Variants in ME3 observed in about 807,000 individuals in gnomAD.
ME3 encodes NADP-dependent malic enzyme, mitochondrial.
In ME3, 48 loss-of-function variants were observed where a neutral mutation model predicts 68.9. The ratio of observed to expected loss-of-function variants is 0.70; its 90% CI spans 0.55 to 0.89. The LOEUF is 0.89. Ranked by LOEUF, ME3 falls within the 40% of genes least tolerant of loss-of-function variation. The pLI is 0.00. For synonymous variants in ME3, 320 were observed against 318.8 expected (o/e 1.00, Z -0.04); for missense variants, 675 against 797.4 (o/e 0.85, Z 1.85).
chr11:86,440,158 CA>C (rs1429315075), downstream of ME3, among the ~76,000 whole-genome samples: 2 of 152,172 alleles, frequency 1.3e-5, no homozygotes, highest in African/African-American at 4.8e-5. Context: ...GCTGAGGTAG[CA>C]GCAGGAGTAG....
chr11:86,508,817 T>C lies in ME3; in HGVS notation c.518A>G (p.Asn173Ser), dbSNP rs1167613829. 18 of 1,613,346 alleles carry C rather than the reference T, an allele frequency of 1.1e-5. No individual in the cohort carries two copies. The highest frequency in any genetic ancestry group is 1.5e-5 in the Non-Finnish European group (18 of 1,179,414). ...CTTAATATTGTCTTCTGGCCAAGAA[T>C]TCAGCATTGTTGCAAGATGACCTTT... The change falls in exon 5 of 15, where the codon AAT becomes AGT. Residue 173 changes from asparagine to serine, a missense_variant. Coordinates refer to ENST00000543262, the Ensembl canonical transcript of ME3.
intron 4 of ME3, among the ~76,000 whole-genome samples, chr11:86,530,461 C>G (rs1272095010): frequency 6.6e-6 from 1 of 152,186 alleles, no homozygotes; most frequent in Admixed American, 6.6e-5. Flanking sequence ...CCCCATCAAG[C>G]TACCAATGAC....
At position 86,610,487 on chromosome 11, in the gene ME3, A is replaced by G. The variant is rs79651366; in HGVS notation, c.184-50664T>C. The stretch of plus-strand genomic sequence containing the variant: ...ATTTAGCAAATGTGGAAATCAGTGC[A>G]TATGCCATGGGAGTGATGCCGTGCA... On this transcript the variant is annotated intron_variant, in intron 2 of 14. Coordinates refer to ENST00000543262, the Ensembl canonical transcript of ME3. Among the ~76,000 whole-genome samples, 875 of 152,292 alleles carry G rather than the reference A, an allele frequency of 5.7e-3. 4 individuals are homozygous for G. The highest frequency in any genetic ancestry group is 9.3e-3 in the Non-Finnish European group (633 of 68,030).
At chr11:86,475,809 C>G (rs1173952722) in intron 7 of ME3, among the ~76,000 whole-genome samples, 1 of 144,816 alleles carries the variant, frequency 6.9e-6, no homozygotes, top group East Asian at 2.0e-4. Context: ...AATGAGAATT[C>G]TAAGATACAG....
chr11:86,567,464 G>A (rs892691984), intron 2 of ME3, among the ~76,000 whole-genome samples: 3 of 152,266 alleles, frequency 2.0e-5, no homozygotes, highest in African/African-American at 4.8e-5. Flanking sequence ...TTAGGCAGGC[G>A]ACTGTTCACT....
chr11:86,566,016 T>TC (rs1325038067), intron 2 of ME3, among the ~76,000 whole-genome samples: 1 of 152,194 alleles, frequency 6.6e-6, no homozygotes, highest in East Asian at 1.9e-4. Context: ...AGAGACTTTT[T>TC]CTGTGTAGAA....
At chr11:86,481,651 C>T (rs1454120178) in intron 7 of ME3, among the ~76,000 whole-genome samples, 4 of 152,142 alleles carry the variant, frequency 2.6e-5, no homozygotes, top group Non-Finnish European at 4.4e-5. Context: ...GAAGCAGCTG[C>T]AGCTTCATGT....
chr11:86,581,828 A>G (rs746030684), intron 2 of ME3, among the ~76,000 whole-genome samples: 1 of 152,204 alleles, frequency 6.6e-6, no homozygotes, highest in Non-Finnish European at 1.5e-5. Flanking sequence ...CAGTCAAGTC[A>G]TTAATAAGTT....
chr11:86,451,029 T>C (rs1185484031), intron 8 of ME3, among the ~76,000 whole-genome samples: 1 of 152,184 alleles, frequency 6.6e-6, no homozygotes, highest in East Asian at 1.9e-4. Context: ...GAGAAAAAAC[T>C]TGGGCTTGGT....
intron 7 of ME3, among the ~76,000 whole-genome samples, chr11:86,473,100 C>A (rs1361554813): frequency 2.0e-5 from 3 of 152,192 alleles, no homozygotes; most frequent in African/African-American, 7.2e-5. Flanking sequence ...GAGCAGGGAG[C>A]AGGGCAAGGA....
chr11:86,520,670 C>T (rs921766982), intron 4 of ME3, among the ~76,000 whole-genome samples: 1 of 152,182 alleles, frequency 6.6e-6, no homozygotes, highest in South Asian at 2.1e-4. Flanking sequence ...AGACTTGAAG[C>T]TCAGAAGGGC....
At chr11:86,451,822 AG>A (rs1407117734) in intron 8 of ME3, among the ~76,000 whole-genome samples, 208 of 152,352 alleles carry the variant, frequency 1.4e-3, no homozygotes, top group African/African-American at 4.6e-3. Context: ...CTTTTAATCA[AG>A]GACTTTAATT....
Position 86,498,023 on chromosome 11 carries a change from G to A in ME3, c.645C>T (p.Cys215=), listed in dbSNP as rs149425348. Residue 215 remains cysteine, a synonymous_variant, in exon 6 of 15, where the codon TGC becomes TGT. Coordinates refer to ENST00000543262, the Ensembl canonical transcript of ME3. The stretch of plus-strand genomic sequence containing the variant: ...GGCACTGCTGCGGGTTCACCCCTCC[G>A]CATGCCGTGTACAGGGCCAGCTTGC... 7.9e-5 allele frequency: 128 copies of A among 1,612,978 alleles called. No homozygotes were observed. The African/African-American group carries it at 1.3e-3, about 16-fold the overall frequency.
At chr11:86,672,283 C>G (rs1947006901) in intron 1 of ME3, 41 bp downstream of exon 1, 1 of 251,192 alleles carries the variant, frequency 4.0e-6, no homozygotes, top group Admixed American at 5.6e-5. Context: ...CCCCTAATCC[C>G]GCGTGGTGGC....
chr11:86,639,626 G>C (rs1944543419), intron 2 of ME3, among the ~76,000 whole-genome samples: 1 of 152,310 alleles, frequency 6.6e-6, no homozygotes, highest in African/African-American at 2.4e-5. Flanking sequence ...TTCTCTCTCA[G>C]ATGAGAAAAT....
intron 2 of ME3, among the ~76,000 whole-genome samples, chr11:86,670,172 G>A (rs761641627): frequency 6.6e-6 from 1 of 152,186 alleles, no homozygotes; most frequent in Non-Finnish European, 1.5e-5. Flanking sequence ...AGAAGGATTC[G>A]CTTTCTGAGG....
At chr11:86,667,456 A>G (rs1220180250) in intron 2 of ME3, among the ~76,000 whole-genome samples, 1 of 152,202 alleles carries the variant, frequency 6.6e-6, no homozygotes, top group Non-Finnish European at 1.5e-5. Context: ...TTTAGGCAGC[A>G]AGAGCATTGG....
chr11:86,629,147 C>T (rs1030645485), intron 2 of ME3, among the ~76,000 whole-genome samples: 1 of 152,072 alleles, frequency 6.6e-6, no homozygotes, highest in African/African-American at 2.4e-5. Flanking sequence ...GAAAGAAAAC[C>T]CAGGCCTGGA....
chr11:86,637,629 G>A (rs1288146996), intron 2 of ME3, among the ~76,000 whole-genome samples: 1 of 152,160 alleles, frequency 6.6e-6, no homozygotes, highest in East Asian at 1.9e-4. Context: ...GCTCGATTGA[G>A]ACACCCCTCG....
Sources: allele counts gnomAD v4.1 joint callset (sites outside exome capture counted in the v4.1 genomes callset), GRCh38; gene constraint gnomAD v4.1.1; transcripts MANE v1.5; gene names NCBI Gene and HGNC (gene_info 2026-07-23, HGNC 2026-07-21).